The following ZNF200 variants were observed in gnomAD, a reference collection of about 807,000 sequenced individuals.
The protein encoded by ZNF200 is zinc finger protein 200.
ZNF200 carries 35 observed loss-of-function variants against 33.6 expected under a neutral mutation model. The observed-to-expected ratio is 1.04, with a 90% CI of 0.80 to 1.38. The LOEUF (loss-of-function observed/expected upper bound fraction) is 1.38, where lower values mean the gene tolerates loss of function less well. ZNF200 is among the 40% of genes most tolerant of loss of function. The probability of loss-of-function intolerance (pLI) is 0.00; values close to 1 mark genes in which losing one functional copy is unlikely to be tolerated. For missense variants in ZNF200, 592 were observed against 470.6 expected, an observed-to-expected ratio of 1.26 and a Z score of -2.39; for synonymous variants, 209 against 167.7, an observed-to-expected ratio of 1.25 and a Z score of -1.90.
chr16:3,233,596 A>G lies in ZNF200; in HGVS notation c.160T>C (p.Leu54=). 2 of 1,613,422 alleles carry G rather than the reference A, an allele frequency of 1.2e-6. No individual in the cohort carries two copies. The highest frequency in any genetic ancestry group is 1.7e-6 in the Non-Finnish European group (2 of 1,179,760). The part of the protein sequence containing the change: ...QLVLEHFLTF[L]PKPSLVQPSQ... Reference sequence around the variant, plus strand: ...GGCTGGACCAGGCTTGGCTTGGGCAAGAAGGTGAGGAAGTGCTCCAGCACT... The same window carrying G: ...GGCTGGACCAGGCTTGGCTTGGGCAGGAAGGTGAGGAAGTGCTCCAGCACT... Residue 54 remains leucine, a synonymous_variant, in exon 2 of 5, where the codon TTG becomes CTG. Coordinates refer to ENST00000414144, the MANE Select transcript of ZNF200 (RefSeq NM_198088.3).
At chr16:3,229,392 A>G (rs1433763049) in intron 4 of ZNF200, among the ~76,000 whole-genome samples, 1 of 152,200 alleles carries the variant, frequency 6.6e-6, no homozygotes, top group South Asian at 2.1e-4. Context: ...GAATGAAGGT[A>G]TTAATAAATA....
intron 1 of ZNF200, 66 bp from the exon 2 acceptor site, chr16:3,233,902 G>T: frequency 7.5e-7 from 1 of 1,339,232 alleles, no homozygotes; most frequent in South Asian, 1.5e-5. Flanking sequence ...TCCAATATGT[G>T]GCATGGCTGG....
chr16:3,232,733 C>T lies in ZNF200; in HGVS notation c.339+100G>A, dbSNP rs778569453. On this transcript the variant is annotated intron_variant, in intron 3 of 4. Coordinates refer to ENST00000414144, the MANE Select transcript of ZNF200 (RefSeq NM_198088.3). ...GCTCAAGGAAAAAGCAGAAGAAAAA[C>T]ACCCAAGAAGGCCAACTCCTAAGAA... 2.5e-4 allele frequency: 368 copies of T among 1,448,760 alleles called. 1 individual carries two copies. Among genetic ancestry groups the T allele is most frequent in the Middle Eastern group, 5.3e-4 (3 of 5,648 alleles). 89.7% of individuals were successfully genotyped at this position (1,448,760 alleles called of 1,614,324 possible).
intron 1 of ZNF200, chr16:3,234,563 CAG>C (rs1334483627): frequency 6.6e-6 from 1 of 152,472 alleles, no homozygotes; most frequent in African/African-American, 2.4e-5. Context: ...GGCTAGAAGA[CAG>C]GAAATCTGGG....
chr16:3,234,371 G>C (rs1309675816), intron 1 of ZNF200, among the ~76,000 whole-genome samples: 1 of 152,180 alleles, frequency 6.6e-6, no homozygotes, highest in East Asian at 1.9e-4. Flanking sequence ...CTGCACTGCA[G>C]TCTGAGCGAC....
rs981402520 is a variant in ZNF200 at position 3,225,971 on chromosome 16, C to G, written c.467-1358G>C. 3 of 149,860 alleles carry G rather than the reference C, an allele frequency of 2.0e-5. No individual in the cohort carries two copies. In the East Asian group the frequency reaches 5.8e-4, roughly 29 times the overall value. The allele number at this position is 149,860 out of a possible 1,614,324, so 9.3% of individuals were successfully genotyped here. A position where few individuals can be genotyped will look rare whatever the true frequency, so the allele number is the denominator to read the frequency against. Reference sequence around the variant, plus strand: ...ATGTTGCCTAGGCTGGTTTTGCACTCGTGTACTCAAGCAATCTTCCCAAAG... The same window carrying G: ...ATGTTGCCTAGGCTGGTTTTGCACTGGTGTACTCAAGCAATCTTCCCAAAG... On this transcript the variant is annotated intron_variant, in intron 4 of 4. Transcript: ENST00000414144.
intron 1 of ZNF200, among the ~76,000 whole-genome samples, chr16:3,234,409 AAAGG>A (rs1596344971): frequency 6.6e-6 from 1 of 152,106 alleles, no homozygotes; most frequent in East Asian, 1.9e-4. Context: ...CTAAAAAAAG[AAAGG>A]AAAAGAGAAA....
chr16:3,226,141 C>T (rs1183455147), intron 4 of ZNF200: 1 of 150,216 alleles, frequency 6.7e-6, no homozygotes, highest in Non-Finnish European at 1.5e-5. Flanking sequence ...CAAGCTCCGC[C>T]TCCTGGGTTC....
rs1435588452 is a variant in ZNF200, at chr16:3,224,467, G to T, written c.613C>A (p.Leu205Ile). 1 of 1,614,050 alleles carries T rather than the reference G, an allele frequency of 6.2e-7. No homozygotes were observed. Among genetic ancestry groups the T allele is most frequent in the Non-Finnish European group, 8.5e-7 (1 of 1,180,040 alleles). The change falls in exon 5 of 5, where the codon CTA (leucine) becomes ATA (isoleucine). Residue 205 changes from leucine (L) to isoleucine (I), a missense_variant. Leu to Ile is a conservative substitution (Grantham distance 5, BLOSUM62 2). Transcript: ENST00000414144. ...QPPDNQEKERLNTSIPQKRKM... is the reference protein window; with the variant it reads ...QPPDNQEKERINTSIPQKRKM... ...CTTTTTTGTGGAATGGATGTATTTA[G>T]TCGTTCCTTTTCCTGGTTATCGGGA... is the stretch of plus-strand genomic sequence containing the variant.
In ZNF200 at chr16:3,224,116, G is replaced by A. The variant is rs61731421; in HGVS notation, c.964C>T (p.His322Tyr). ...TGGATTCCTTCATGACGACTCCGAT[G>A]AGAATTCTGACGGAAGTTTTTTCCA... ...QCGKNFRQNS[H>Y]RSRHEGIHIR... is the part of the protein sequence containing the mutation. The change falls in exon 5 of 5, where the codon CAT becomes TAT. Residue 322 changes from histidine to tyrosine, a missense_variant. His to Tyr is a moderately conservative substitution (Grantham distance 83). Transcript: ENST00000414144. 1.1e-4 allele frequency: 174 copies of A among 1,614,112 alleles called. No individual in the cohort carries two copies. In the African/African-American group the frequency reaches 1.9e-3, roughly 18 times the overall value.
In ZNF200 at chr16:3,232,559, A is replaced by G. The variant is rs939150218; in HGVS notation, c.340-12T>C. On this transcript the variant is annotated splice_polypyrimidine_tract_variant and intron_variant, in intron 3 of 4. Coordinates refer to ENST00000414144, the MANE Select transcript of ZNF200 (RefSeq NM_198088.3). ...AAGACCACCAGCTCCTGAAAGAGCAAGAGGCCCCTTTCATCTTAGTAACTG... is the reference window on the plus strand; with the variant it reads ...AAGACCACCAGCTCCTGAAAGAGCAGGAGGCCCCTTTCATCTTAGTAACTG... 3 of 1,612,844 alleles carry G rather than the reference A, an allele frequency of 1.9e-6. No homozygotes were observed. The highest frequency in any genetic ancestry group is 2.5e-6 in the Non-Finnish European group (3 of 1,179,816).
At chr16:3,227,569 G>A (rs1347004261) in intron 4 of ZNF200, 2 of 152,216 alleles carry the variant, frequency 1.3e-5, no homozygotes, top group Non-Finnish European at 1.5e-5. Flanking sequence ...ATCAGGTGAA[G>A]GTAACTGAGT....
At chr16:3,232,676 G>A (rs112987730) in intron 3 of ZNF200, 129 bp from the exon 4 acceptor site, 1 of 1,470,214 alleles carries the variant, frequency 6.8e-7, no homozygotes, top group South Asian at 1.3e-5. Context: ...CCACAGAGGT[G>A]CAGCAAAGAC....
intron 4 of ZNF200, among the ~76,000 whole-genome samples, chr16:3,229,544 C>T (rs982656226): frequency 2.6e-5 from 4 of 152,178 alleles, no homozygotes; most frequent in Admixed American, 2.6e-4. Context: ...CAGACAGTTC[C>T]ACAGAAAATT....
chr16:3,225,810 G>A (rs751855791), intron 4 of ZNF200: 11 of 152,004 alleles, frequency 7.2e-5, no homozygotes, highest in Admixed American at 2.0e-4. Flanking sequence ...AGAGTCAAGG[G>A]TTCAAATCAA....
At chr16:3,229,881 A>C (rs905530388) in intron 4 of ZNF200, among the ~76,000 whole-genome samples, 3 of 151,948 alleles carry the variant, frequency 2.0e-5, no homozygotes, top group African/African-American at 7.2e-5. Flanking sequence ...AAAAAGAAGG[A>C]AACTTCCAAA....
rs1375371390 is a variant in ZNF200 at position 3,224,233 on chromosome 16, TAC to T, written c.845_846del (p.Cys282Ter). The T allele has an allele frequency of 1.9e-6, 3 of 1,614,088 alleles. No individual in the cohort carries two copies. The highest frequency in any genetic ancestry group is 1.7e-6 in the Non-Finnish European group (2 of 1,180,044). On this transcript the variant is annotated frameshift_variant, in exon 5 of 5. Transcript: ENST00000414144. LOFTEE classifies it high-confidence loss of function. ...RTHTGEKPYDCNHCGKSFNHK... is the reference protein window; with the variant it reads ...RTHTGEKPYDXNHCGKSFNHK... ...TGATTGAAGCTTTTCCCACAGTGAT[TAC>T]AGTCATAGGGTTTTTCTCCAGTGTG... is the stretch of plus-strand genomic sequence containing the variant.
intron 4 of ZNF200, among the ~76,000 whole-genome samples, chr16:3,229,349 C>G (rs998855916): frequency 1.7e-4 from 26 of 151,304 alleles, no homozygotes; most frequent in African/African-American, 6.3e-4. Context: ...GCCTCTGATT[C>G]AAAGTTAGAA....
chr16:3,228,874 GT>G (rs1395936036), intron 4 of ZNF200, among the ~76,000 whole-genome samples: 2 of 151,986 alleles, frequency 1.3e-5, no homozygotes, highest in African/African-American at 4.8e-5. Context: ...CGTCAAAGGG[GT>G]AAAAACAAAT....
Sources: gnomAD v4.1 joint callset for allele counts (sites outside exome capture counted in the v4.1 genomes callset) on GRCh38, gnomAD v4.1.1 for gene constraint, MANE v1.5 for transcripts, NCBI Gene and HGNC (gene_info 2026-07-23, HGNC 2026-07-21) for gene names.